CYCS: variants seen among roughly 807,000 people sequenced by gnomAD.
CYCS encodes cytochrome c, somatic.
For missense variants in CYCS, 87 were observed against 125.3 expected (o/e 0.69, Z 1.46); for synonymous variants, 41 against 43.0 (o/e 0.95, Z 0.18).
rs1487645702 is a variant in CYCS at position 25,118,836 on chromosome 7, G to A, written c.*4865C>T. 6.6e-6 allele frequency among the ~76,000 whole-genome samples: 1 copy of A among 152,088 alleles called. No homozygotes were observed. The highest frequency in any genetic ancestry group is 1.5e-5 in the Non-Finnish European group (1 of 68,022). ...ATTTAACATTTTAACATGTTTAAATGTTCATAGACACATACAACCTGCACT... is the reference window on the plus strand; with the variant it reads ...ATTTAACATTTTAACATGTTTAAATATTCATAGACACATACAACCTGCACT... On this transcript the variant is annotated 3_prime_UTR_variant, in exon 3 of 3. Transcript: ENST00000305786.
In CYCS at chr7:25,120,525, C is replaced by T. The variant is rs1192295960; in HGVS notation, c.*3176G>A. On this transcript the variant is annotated 3_prime_UTR_variant, in exon 3 of 3. Transcript: ENST00000305786. ...TAAAATAAAATACTTTCTAGTCACA[C>T]TAGCTATATTTCAAGGGCTTAACAG... 2 of 152,238 alleles carry T rather than the reference C, an allele frequency of 1.3e-5. No homozygotes were observed. Among genetic ancestry groups the T allele is most frequent in the East Asian group, 1.9e-4 (1 of 5,200 alleles). The allele number at this position is 152,238 out of a possible 1,614,324, so 9.4% of individuals were successfully genotyped here.
chr7:25,123,615 G>A lies in CYCS; in HGVS notation c.*86C>T. 1.7e-6 allele frequency: 2 copies of A among 1,147,648 alleles called. No homozygotes were observed. The highest frequency in any genetic ancestry group is 2.6e-6 in the Non-Finnish European group (2 of 772,660). 71.1% of individuals were successfully genotyped at this position (1,147,648 alleles called of 1,614,324 possible). On this transcript the variant is annotated 3_prime_UTR_variant, in exon 3 of 3. Coordinates refer to ENST00000305786, the MANE Select transcript of CYCS (RefSeq NM_018947.6). ...GTCAGTCATTCATGATCTGAATTCT[G>A]GTGTATGAGATCTATTAAAGGATGG... is the stretch of plus-strand genomic sequence containing the variant.
intron 1 of CYCS, 91 bp from the exon 2 acceptor site, chr7:25,124,218 C>G: frequency 1.1e-6 from 1 of 930,650 alleles, no homozygotes; most frequent in Non-Finnish European, 1.7e-6. Context: ...AATTACCAAT[C>G]CATTGCTAAT....
chr7:25,118,667 G>C lies in CYCS; in HGVS notation c.*5034C>G, dbSNP rs1160798411. On this transcript the variant is annotated 3_prime_UTR_variant, in exon 3 of 3. Transcript: ENST00000305786. ...GGCATCTGGTCAGATTGGGTCCACG[G>C]GCTGTTTATTGATACACACTAAACA... 1.3e-5 allele frequency among the ~76,000 whole-genome samples: 2 copies of C among 151,992 alleles called. No individual in the cohort carries two copies. Among genetic ancestry groups the C allele is most frequent in the Non-Finnish European group, 2.9e-5 (2 of 67,990 alleles).
Position 25,121,936 on chromosome 7 carries a change from A to G in CYCS, c.*1765T>C, listed in dbSNP as rs1348421993. 6.6e-6 allele frequency: 1 copy of G among 151,706 alleles called. No homozygotes were observed. Among genetic ancestry groups the G allele is most frequent in the African/African-American group, 2.4e-5 (1 of 41,272 alleles). The allele number at this position is 151,706 out of a possible 1,614,324, so 9.4% of individuals were successfully genotyped here. A position where few individuals can be genotyped will look rare whatever the true frequency, so the allele number is the denominator to read the frequency against. The stretch of plus-strand genomic sequence containing the variant: ...AGCGTGACCATGTCTCAAAAAACAA[A>G]CTAAACGCCACAACTAGCCAAGATG... On this transcript the variant is annotated 3_prime_UTR_variant, in exon 3 of 3. Transcript: ENST00000305786.
chr7:25,121,460 T>C lies in CYCS; in HGVS notation c.*2241A>G. On this transcript the variant is annotated 3_prime_UTR_variant, in exon 3 of 3. Coordinates refer to ENST00000305786, the MANE Select transcript of CYCS (RefSeq NM_018947.6). Reference sequence around the variant, plus strand: ...CAGGAGGCTGAGGCAGGAGAATCACTTGCAACTGGAAGGCGGAGGTTGCAG... The same window carrying C: ...CAGGAGGCTGAGGCAGGAGAATCACCTGCAACTGGAAGGCGGAGGTTGCAG... 1 of 152,028 alleles carries C rather than the reference T, an allele frequency of 6.6e-6. No homozygotes were observed. The highest frequency in any genetic ancestry group is 1.5e-5 in the Non-Finnish European group (1 of 68,054). The allele number at this position is 152,028 out of a possible 1,614,324, so 9.4% of individuals were successfully genotyped here.
rs1783361256 is a variant in CYCS at position 25,121,431 on chromosome 7, T to C, written c.*2270A>G. The C allele has an allele frequency of 6.6e-6, 1 of 152,076 alleles. No individual in the cohort carries two copies. Among genetic ancestry groups the C allele is most frequent in the Admixed American group, 6.6e-5 (1 of 15,264 alleles). The allele number at this position is 152,076 out of a possible 1,614,324, so 9.4% of individuals were successfully genotyped here. A position where few individuals can be genotyped will look rare whatever the true frequency, so the allele number is the denominator to read the frequency against. ...GGTGGCGGGTGCCTGTAATCCCAGC[T>C]ACTCAGGAGGCTGAGGCAGGAGAAT... is the stretch of plus-strand genomic sequence containing the variant. On this transcript the variant is annotated 3_prime_UTR_variant, in exon 3 of 3. Coordinates refer to ENST00000305786, the MANE Select transcript of CYCS (RefSeq NM_018947.6).
rs1562514131 is a variant in CYCS at position 25,118,760 on chromosome 7, T to C, written c.*4941A>G. Among the ~76,000 whole-genome samples, 1 of 152,214 alleles carries C rather than the reference T, an allele frequency of 6.6e-6. No homozygotes were observed. The highest frequency in any genetic ancestry group is 2.4e-5 in the African/African-American group (1 of 41,454). ...CTAGCCCAGTGGTCCTTTCTGAAACTACACTGTTCAAGTTACAGACATATT... is the reference window on the plus strand; with the variant it reads ...CTAGCCCAGTGGTCCTTTCTGAAACCACACTGTTCAAGTTACAGACATATT... On this transcript the variant is annotated 3_prime_UTR_variant, in exon 3 of 3. Coordinates refer to ENST00000305786, the MANE Select transcript of CYCS (RefSeq NM_018947.6).
rs1433255311 is a variant in CYCS, at chr7:25,122,934, C to T, written c.*767G>A. The T allele has an allele frequency of 6.6e-6, 1 of 152,194 alleles. No individual in the cohort carries two copies. The highest frequency in any genetic ancestry group is 2.4e-5 in the African/African-American group (1 of 41,450). The allele number at this position is 152,194 out of a possible 1,614,324, so 9.4% of individuals were successfully genotyped here. ...TAATCCTTTTAAGTTGGCAAAAGCACCATTCCCAATCAAATACACAGTTCT... is the reference window on the plus strand; with the variant it reads ...TAATCCTTTTAAGTTGGCAAAAGCATCATTCCCAATCAAATACACAGTTCT... On this transcript the variant is annotated 3_prime_UTR_variant, in exon 3 of 3. Coordinates refer to ENST00000305786, the MANE Select transcript of CYCS (RefSeq NM_018947.6).
rs1783359656 is a variant in CYCS, at chr7:25,121,343, GA to G, written c.*2357del. The G allele has an allele frequency of 2.0e-5, 3 of 151,962 alleles. No individual in the cohort carries two copies. Among genetic ancestry groups the G allele is most frequent in the African/African-American group, 7.3e-5 (3 of 41,336 alleles). 9.4% of individuals were successfully genotyped at this position (151,962 alleles called of 1,614,324 possible). ...GTGGATCACGAGGTCAGGAGTCCAA[GA>G]CCAGTCTGGCCAACATGGTGAAACA... On this transcript the variant is annotated 3_prime_UTR_variant, in exon 3 of 3. Transcript: ENST00000305786.
At position 25,118,660 on chromosome 7, in the gene CYCS, G is replaced by A. The variant is rs1783311670; in HGVS notation, c.*5041C>T. 6.6e-6 allele frequency among the ~76,000 whole-genome samples: 1 copy of A among 152,084 alleles called. No individual in the cohort carries two copies. Among genetic ancestry groups the A allele is most frequent in the Non-Finnish European group, 1.5e-5 (1 of 68,016 alleles). ...AAAAACAGGCATCTGGTCAGATTGG[G>A]TCCACGGGCTGTTTATTGATACACA... On this transcript the variant is annotated 3_prime_UTR_variant, in exon 3 of 3. Coordinates refer to ENST00000305786, the MANE Select transcript of CYCS (RefSeq NM_018947.6).
In CYCS at chr7:25,122,774, T is replaced by C. The variant is rs1455877774; in HGVS notation, c.*927A>G. On this transcript the variant is annotated 3_prime_UTR_variant, in exon 3 of 3. Coordinates refer to ENST00000305786, the MANE Select transcript of CYCS (RefSeq NM_018947.6). ...ACTGACATTTAGGGCTCCTGCACTT[T>C]TTAATCATTAAAATTTGTGCATCAG... is the stretch of plus-strand genomic sequence containing the variant. 1 of 152,254 alleles carries C rather than the reference T, an allele frequency of 6.6e-6. No homozygotes were observed. The highest frequency in any genetic ancestry group is 1.5e-5 in the Non-Finnish European group (1 of 68,038). The allele number at this position is 152,254 out of a possible 1,614,324, so 9.4% of individuals were successfully genotyped here. A position where few individuals can be genotyped will look rare whatever the true frequency, so the allele number is the denominator to read the frequency against.
At position 25,118,809 on chromosome 7, in the gene CYCS, AAATTT is replaced by A. The variant is rs1388302073; in HGVS notation, c.*4887_*4891del. ...TTTAAATGTTTAAATTTAAAATGTTAAATTTAACATTTTAACATGTTTAAATGTTC... is the reference window on the plus strand; with the variant it reads ...TTTAAATGTTTAAATTTAAAATGTTAAACATTTTAACATGTTTAAATGTTC... On this transcript the variant is annotated 3_prime_UTR_variant, in exon 3 of 3. Transcript: ENST00000305786. Among the ~76,000 whole-genome samples, 1 of 152,058 alleles carries A rather than the reference AAATTT, an allele frequency of 6.6e-6. No individual in the cohort carries two copies. Among genetic ancestry groups the A allele is most frequent in the Non-Finnish European group, 1.5e-5 (1 of 68,044 alleles).
rs1050903188 is a variant in CYCS, at chr7:25,119,373, T to G, written c.*4328A>C. 1.3e-5 allele frequency among the ~76,000 whole-genome samples: 2 copies of G among 148,880 alleles called. No individual in the cohort carries two copies. The highest frequency in any genetic ancestry group is 3.0e-5 in the Non-Finnish European group (2 of 67,420). On this transcript the variant is annotated 3_prime_UTR_variant, in exon 3 of 3. Transcript: ENST00000305786. ...CTCACTGCAACCCCCATCTCCCAGG[T>G]TCAAGCGATTCTCCTGCCTCAGCCT...
rs886062243 is a variant in CYCS at position 25,121,199 on chromosome 7, A to G, written c.*2502T>C. ...TGCTTGGGTATAACTGACCTAGAACATGGCAGTTACTCATCTGTGCCAACA... is the reference window on the plus strand; with the variant it reads ...TGCTTGGGTATAACTGACCTAGAACGTGGCAGTTACTCATCTGTGCCAACA... On this transcript the variant is annotated 3_prime_UTR_variant, in exon 3 of 3. Transcript: ENST00000305786. The G allele has an allele frequency of 6.6e-6, 1 of 152,164 alleles. No individual in the cohort carries two copies. The highest frequency in any genetic ancestry group is 1.5e-5 in the Non-Finnish European group (1 of 68,030). The allele number at this position is 152,164 out of a possible 1,614,324, so 9.4% of individuals were successfully genotyped here.
Position 25,120,579 on chromosome 7 carries a change from GA to G in CYCS, c.*3121del, listed in dbSNP as rs1016098625. On this transcript the variant is annotated 3_prime_UTR_variant, in exon 3 of 3. Transcript: ENST00000305786. ...CATGTGGTTAGTGGCTACCACACTG[GA>G]CAGCAAAAGTCTACAAAATATCCAT... is the stretch of plus-strand genomic sequence containing the variant. 7 of 152,304 alleles carry G rather than the reference GA, an allele frequency of 4.6e-5. No homozygotes were observed. The highest frequency in any genetic ancestry group is 1.2e-4 in the African/African-American group (5 of 41,568). The allele number at this position is 152,304 out of a possible 1,614,324, so 9.4% of individuals were successfully genotyped here.
In CYCS at chr7:25,121,508, G is replaced by C. The variant is rs1161772799; in HGVS notation, c.*2193C>G. ...CAGTGAGATTGCACCACTGTACTCA[G>C]CCTGGGCGAAAAGGGCGAAACTCCG... On this transcript the variant is annotated 3_prime_UTR_variant, in exon 3 of 3. Coordinates refer to ENST00000305786, the MANE Select transcript of CYCS (RefSeq NM_018947.6). The C allele has an allele frequency of 6.6e-6, 1 of 152,118 alleles. No homozygotes were observed. Among genetic ancestry groups the C allele is most frequent in the Non-Finnish European group, 1.5e-5 (1 of 68,052 alleles). 9.4% of individuals were successfully genotyped at this position (152,118 alleles called of 1,614,324 possible).
At position 25,118,854 on chromosome 7, in the gene CYCS, C is replaced by T. The variant is rs1298196527; in HGVS notation, c.*4847G>A. ...TTTAAATGTTCATAGACACATACAA[C>T]CTGCACTTTTACTCTTTGAGAAATG... On this transcript the variant is annotated 3_prime_UTR_variant, in exon 3 of 3. Transcript: ENST00000305786. Among the ~76,000 whole-genome samples the T allele has an allele frequency of 6.6e-6, 1 of 152,098 alleles. No homozygotes were observed. The highest frequency in any genetic ancestry group is 1.5e-5 in the Non-Finnish European group (1 of 68,018).
rs1783404880 is a variant in CYCS at position 25,124,091 on chromosome 7, ATCT to A, written c.26_28del (p.Lys9del). The A allele has an allele frequency of 6.2e-7, 1 of 1,613,814 alleles. No homozygotes were observed. Among genetic ancestry groups the A allele is most frequent in the Non-Finnish European group, 8.5e-7 (1 of 1,179,980 alleles). ...GCACTGGGAACACTTCATAATAAAAATCTTCTTGCCTTTCTCAACATCACCCAT... is the reference window on the plus strand; with the variant it reads ...GCACTGGGAACACTTCATAATAAAAATCTTGCCTTTCTCAACATCACCCAT... On this transcript the variant is annotated inframe_deletion, in exon 2 of 3. Transcript: ENST00000305786.
Sources: allele counts gnomAD v4.1 joint callset (sites outside exome capture counted in the v4.1 genomes callset), GRCh38; gene constraint gnomAD v4.1.1; transcripts MANE v1.5; gene names NCBI Gene and HGNC (gene_info 2026-07-23, HGNC 2026-07-21).